FHAD1: variants seen among roughly 807,000 people sequenced by gnomAD.
The protein encoded by FHAD1 is forkhead-associated domain-containing protein 1.
In FHAD1, 146 loss-of-function variants were observed where a neutral mutation model predicts 191.3. That is an observed-to-expected ratio of 0.76 (90% CI 0.67 to 0.88). The LOEUF (loss-of-function observed/expected upper bound fraction) is 0.88. Among genes scored for constraint, FHAD1 ranks in the 40% least tolerant of loss-of-function variants. FHAD1 has a pLI of 0.00. For synonymous variants in FHAD1, 616 were observed against 672.3 expected (o/e 0.92, Z 1.29); for missense variants, 1,635 against 1,785.8 (o/e 0.92, Z 1.52).
At chr1:15,321,916 A>G (rs1676443600) in intron 10 of FHAD1, among the ~76,000 whole-genome samples, 1 of 152,240 alleles carries the variant, frequency 6.6e-6, no homozygotes, top group Admixed American at 6.5e-5. Flanking sequence ...CTGCACTGGC[A>G]ATTGTTTTCT....
intron 2 of FHAD1, among the ~76,000 whole-genome samples, chr1:15,267,282 C>T (rs1197291025): frequency 1.3e-5 from 2 of 152,112 alleles, no homozygotes; most frequent in African/African-American, 2.4e-5. Context: ...CAAATCAGTT[C>T]TTGAATACCT....
intron 21 of FHAD1, among the ~76,000 whole-genome samples, chr1:15,359,441 G>A (rs1390463862): frequency 6.6e-6 from 1 of 152,172 alleles, no homozygotes; most frequent in Non-Finnish European, 1.5e-5. Context: ...AAGGCGGGCA[G>A]TGAGGAGGAG....
chr1:15,372,684 C>G (rs1698460033), intron 26 of FHAD1, among the ~76,000 whole-genome samples: 1 of 152,078 alleles, frequency 6.6e-6, no homozygotes, highest in Non-Finnish European at 1.5e-5. Flanking sequence ...ATATCTATAG[C>G]TATCTATATA....
At chr1:15,322,136 G>T (rs1157043197) in intron 10 of FHAD1, among the ~76,000 whole-genome samples, 1 of 152,056 alleles carries the variant, frequency 6.6e-6, no homozygotes, top group South Asian at 2.1e-4. Flanking sequence ...ATCTTATTGG[G>T]GTTCGTATGG....
At chr1:15,251,081 A>G (rs910194783) in intron 1 of FHAD1, among the ~76,000 whole-genome samples, 10 of 151,884 alleles carry the variant, frequency 6.6e-5, no homozygotes, top group Non-Finnish European at 1.5e-4. Flanking sequence ...ACTTGAGCTC[A>G]AGAGTTTGAG....
rs1206064262 is a variant in FHAD1, at chr1:15,272,442, C to T, written c.213C>T (p.Asn71=). The change falls in exon 3 of 34, where the codon AAC becomes AAT. Residue 71 remains asparagine, a synonymous_variant. Transcript: ENST00000688493. ...TTGTCAACGAGTGCCACATTCAAAA[C>T]GTGGCTGTGAAGCTCATCCCTGGAG... ...GTFVNECHIQ[N]VAVKLIPGDI... The T allele has an allele frequency of 1.3e-6, 2 of 1,551,604 alleles. No homozygotes were observed. Among genetic ancestry groups the T allele is most frequent in the African/African-American group, 1.4e-5 (1 of 73,162 alleles).
At chr1:15,272,723 G>C (rs1042642411) in intron 3 of FHAD1, among the ~76,000 whole-genome samples, 194 bp downstream of exon 3, 3 of 152,210 alleles carry the variant, frequency 2.0e-5, no homozygotes, top group Non-Finnish European at 2.9e-5. Context: ...GAGAATCTTA[G>C]CACCCTCTTC....
intron 20 of FHAD1, among the ~76,000 whole-genome samples, chr1:15,356,889 T>G (rs1259190204): frequency 6.7e-6 from 1 of 149,998 alleles, no homozygotes. Flanking sequence ...AAAAAAAAAT[T>G]GAATGATTTC....
At chr1:15,287,027 A>G (rs1355405407) in intron 3 of FHAD1, 1 of 152,268 alleles carries the variant, frequency 6.6e-6, no homozygotes, top group African/African-American at 2.4e-5. Flanking sequence ...TATTAAACCC[A>G]TAGGAAAAGG....
At chr1:15,401,854 T>G (rs1463697984), downstream of FHAD1, among the ~76,000 whole-genome samples, 2 of 152,248 alleles carry the variant, frequency 1.3e-5, no homozygotes, top group Admixed American at 6.5e-5. Context: ...TCAGGTGCAC[T>G]GCTTGCATCC....
intron 2 of FHAD1, among the ~76,000 whole-genome samples, chr1:15,258,592 T>C (rs974481826): frequency 6.6e-6 from 1 of 151,892 alleles, no homozygotes; most frequent in Non-Finnish European, 1.5e-5. Flanking sequence ...CTCTTTTTTT[T>C]TTTTTTAATG....
chr1:15,245,190 C>A (rs935356247), upstream of FHAD1, among the ~76,000 whole-genome samples: 1 of 152,202 alleles, frequency 6.6e-6, no homozygotes, highest in Non-Finnish European at 1.5e-5. Context: ...CCACCTCCAA[C>A]ACTGAGGAGC....
chr1:15,387,089 A>G (rs1258264537), intron 31 of FHAD1, among the ~76,000 whole-genome samples: 4 of 151,830 alleles, frequency 2.6e-5, no homozygotes, highest in Admixed American at 6.6e-5. Flanking sequence ...GAGTTTTACC[A>G]TGTTGCCCAG....
At chr1:15,295,403 G>A (rs1666588772) in intron 4 of FHAD1, among the ~76,000 whole-genome samples, 1 of 152,100 alleles carries the variant, frequency 6.6e-6, no homozygotes, top group Non-Finnish European at 1.5e-5. Flanking sequence ...AAGCTTAGAG[G>A]TTTGAGACCA....
Position 15,321,341 on chromosome 1 carries a change from T to C in FHAD1, c.1366-3111T>C, listed in dbSNP as rs753388850. 8.5e-5 allele frequency among the ~76,000 whole-genome samples: 13 copies of C among 152,366 alleles called. No individual in the cohort carries two copies. In the East Asian group the frequency reaches 2.3e-3, roughly 27 times the overall value. ...GACAATAGCACGCATTCGTGACTTA[T>C]CAAAATCTAATATTTAGTGAGTTTT... On this transcript the variant is annotated intron_variant, in intron 10 of 33. Transcript: ENST00000688493.
intron 15 of FHAD1, among the ~76,000 whole-genome samples, chr1:15,341,077 GA>G (rs774546830): frequency 6.6e-6 from 1 of 152,178 alleles, no homozygotes; most frequent in Non-Finnish European, 1.5e-5. Context: ...AGCCACTCAG[GA>G]GGCTGAGGCA....
intron 3 of FHAD1, among the ~76,000 whole-genome samples, chr1:15,285,959 A>G (rs888728903): frequency 6.6e-6 from 1 of 152,244 alleles, no homozygotes; most frequent in Non-Finnish European, 1.5e-5. Context: ...AAAAGGACAA[A>G]TGTTGTATGA....
intron 1 of FHAD1, among the ~76,000 whole-genome samples, chr1:15,240,166 G>A (rs1222901646): frequency 2.0e-5 from 3 of 152,178 alleles, no homozygotes; most frequent in East Asian, 1.9e-4. Context: ...GTCCAGAGTC[G>A]CAGACTCTGT....
chr1:15,337,610 A>G (rs1005769950), intron 14 of FHAD1, among the ~76,000 whole-genome samples: 1 of 152,154 alleles, frequency 6.6e-6, no homozygotes, highest in Non-Finnish European at 1.5e-5. Flanking sequence ...CAGGAATGCT[A>G]CTAACCATCC....
Sources: allele counts gnomAD v4.1 joint callset (sites outside exome capture counted in the v4.1 genomes callset), GRCh38; gene constraint gnomAD v4.1.1; transcripts MANE v1.5; gene names NCBI Gene and HGNC (gene_info 2026-07-23, HGNC 2026-07-21).